Variants in NEGR1 observed in about 807,000 individuals in gnomAD.
The protein encoded by NEGR1 is IgLON family member 4.
Under a neutral mutation model 40.9 loss-of-function variants are expected in NEGR1, and 10 were observed. That is an observed-to-expected ratio of 0.24 (90% CI 0.15 to 0.42). The LOEUF is 0.42. NEGR1 is among the 10% of genes least tolerant of loss of function. NEGR1 has a pLI of 1.00. For synonymous variants in NEGR1, 185 were observed against 166.8 expected (o/e 1.11, Z -0.84); for missense variants, 352 against 438.9 (o/e 0.80, Z 1.77).
intron 1 of NEGR1, among the ~76,000 whole-genome samples, chr1:72,263,959 T>C (rs1213189367): frequency 6.6e-6 from 1 of 151,388 alleles, no homozygotes; most frequent in Non-Finnish European, 1.5e-5. Flanking sequence ...ATATATTCAC[T>C]GGAAAGAGTA....
chr1:71,636,229 G>T (rs479560), intron 4 of NEGR1, among the ~76,000 whole-genome samples: 70,167 of 151,810 alleles, frequency 0.46, 16,352 homozygotes, highest in East Asian at 0.66. Flanking sequence ...AAGTAAATAA[G>T]AGAAGGAACT....
rs571106960 is a variant in NEGR1, at chr1:71,738,475, T to G, written c.535+37697A>C. 3 of 155,410 alleles carry G rather than the reference T, an allele frequency of 1.9e-5. No homozygotes were observed. The Admixed American group carries it at 2.0e-4, about 10-fold the overall frequency. 9.6% of individuals were successfully genotyped at this position (155,410 alleles called of 1,614,324 possible). A position where few individuals can be genotyped will look rare whatever the true frequency, so the allele number is the denominator to read the frequency against. The stretch of plus-strand genomic sequence containing the variant: ...GAGCTGAGACAGGCTCTGGTAAATG[T>G]CAATATGAGGGCATCTGGGGCCAGA... On this transcript the variant is annotated intron_variant, in intron 3 of 6. Transcript: ENST00000357731.
intron 1 of NEGR1, among the ~76,000 whole-genome samples, chr1:71,993,386 T>A (rs1646472914): frequency 6.6e-6 from 1 of 152,118 alleles, no homozygotes; most frequent in Non-Finnish European, 1.5e-5. Context: ...CGACTGGCAG[T>A]GTAGGTAAGC....
At chr1:71,594,432 T>C (rs964117290) in intron 5 of NEGR1, among the ~76,000 whole-genome samples, 2 of 152,180 alleles carry the variant, frequency 1.3e-5, no homozygotes, top group African/African-American at 4.8e-5. Flanking sequence ...AAATATACTG[T>C]AGTTAAATGC....
At chr1:72,055,010 G>A (rs924520612) in intron 1 of NEGR1, among the ~76,000 whole-genome samples, 4 of 150,994 alleles carry the variant, frequency 2.6e-5, no homozygotes, top group Non-Finnish European at 4.5e-5. Flanking sequence ...CTTATAGCAC[G>A]TCTCATCTTC....
chr1:71,835,870 A>T (rs1407375857), intron 2 of NEGR1, among the ~76,000 whole-genome samples: 2 of 152,148 alleles, frequency 1.3e-5, no homozygotes, highest in Non-Finnish European at 2.9e-5. Context: ...TACTAAAAAG[A>T]TTAAATGAGA....
intron 1 of NEGR1, among the ~76,000 whole-genome samples, chr1:72,195,552 T>C (rs1366855782): frequency 6.6e-6 from 1 of 151,952 alleles, no homozygotes; most frequent in Non-Finnish European, 1.5e-5. Flanking sequence ...TTCTTAGACA[T>C]AAACATGATG....
chr1:71,528,467 C>T (rs1223865505), intron 6 of NEGR1, among the ~76,000 whole-genome samples: 1 of 151,230 alleles, frequency 6.6e-6, no homozygotes, highest in Admixed American at 6.6e-5. Flanking sequence ...AAATGACAAA[C>T]TATATCCTTC....
chr1:71,409,060 G>A (rs1646299321), intron 6 of NEGR1: 1 of 151,904 alleles, frequency 6.6e-6, no homozygotes, highest in African/African-American at 2.4e-5. Flanking sequence ...TAAACAAAGA[G>A]CAAAATTAAC....
At chr1:71,557,998 C>A (rs1360991609) in intron 6 of NEGR1, among the ~76,000 whole-genome samples, 2 of 151,580 alleles carry the variant, frequency 1.3e-5, no homozygotes, top group African/African-American at 4.8e-5. Context: ...CTGATATTTT[C>A]TCATGATTAG....
rs1048252702 is a variant in NEGR1, at chr1:71,403,749, C to G, written c.*3697G>C. ...TCAAATACATATTTTAATTGATAAA[C>G]TGAGTTTATATTCACCTATTGGAAA... On this transcript the variant is annotated 3_prime_UTR_variant, in exon 7 of 7. Coordinates refer to ENST00000357731, the MANE Select transcript of NEGR1 (RefSeq NM_173808.3). The G allele has an allele frequency of 2.8e-5, 10 of 358,748 alleles. No homozygotes were observed. The Admixed American group carries it at 4.2e-4, about 15-fold the overall frequency. 22.2% of individuals were successfully genotyped at this position (358,748 alleles called of 1,614,324 possible).
At chr1:71,873,323 G>A (rs1660333857) in intron 2 of NEGR1, among the ~76,000 whole-genome samples, 1 of 151,742 alleles carries the variant, frequency 6.6e-6, no homozygotes, top group African/African-American at 2.4e-5. Context: ...GGCTTGTTTT[G>A]CAGTGTGAAG....
rs1022892603 is a variant in NEGR1 at position 71,877,062 on chromosome 1, T to G, written c.409+58017A>C. ...CTTGAGCAACAAAGACTGTACAGAT[T>G]AGGAGGTAAAATGTGAGGGTTGCGA... On this transcript the variant is annotated intron_variant, in intron 2 of 6. Transcript: ENST00000357731. 4.6e-5 allele frequency among the ~76,000 whole-genome samples: 7 copies of G among 150,968 alleles called. No homozygotes were observed. The South Asian group carries it at 1.0e-3, about 23-fold the overall frequency.
intron 4 of NEGR1, among the ~76,000 whole-genome samples, chr1:71,656,557 C>T (rs966869592): frequency 2.2e-4 from 33 of 152,100 alleles, no homozygotes; most frequent in African/African-American, 8.0e-4. Flanking sequence ...GGATTACAGG[C>T]GCCCGCCACC....
chr1:72,242,703 T>C (rs1654785603), intron 1 of NEGR1, among the ~76,000 whole-genome samples: 1 of 151,714 alleles, frequency 6.6e-6, no homozygotes, highest in Non-Finnish European at 1.5e-5. Context: ...ACATGTGTTC[T>C]TTAATTTAAT....
intron 1 of NEGR1, among the ~76,000 whole-genome samples, chr1:72,154,867 T>G (rs1651301691): frequency 6.6e-6 from 1 of 151,916 alleles, no homozygotes; most frequent in South Asian, 2.1e-4. Flanking sequence ...TTGAACAGGG[T>G]AGATAAAAGA....
chr1:71,935,014 A>T (rs1363992243), intron 2 of NEGR1, 65 bp downstream of exon 2: 4 of 904,376 alleles, frequency 4.4e-6, no homozygotes, highest in Non-Finnish European at 7.1e-6. Flanking sequence ...AGTCATTTTG[A>T]TACCTAAATA....
chr1:72,273,040 G>A (rs1326816675), intron 1 of NEGR1, among the ~76,000 whole-genome samples: 1 of 151,942 alleles, frequency 6.6e-6, no homozygotes, highest in Non-Finnish European at 1.5e-5. Flanking sequence ...TCAGAATTCA[G>A]AACCTGATAT....
chr1:72,245,748 A>T (rs1436389947), intron 1 of NEGR1, among the ~76,000 whole-genome samples: 2 of 152,184 alleles, frequency 1.3e-5, no homozygotes, highest in African/African-American at 4.8e-5. Context: ...CAGTAATGAA[A>T]TATAATAATG....
Sources: allele counts gnomAD v4.1 joint callset (sites outside exome capture counted in the v4.1 genomes callset), GRCh38; gene constraint gnomAD v4.1.1; transcripts MANE v1.5; gene names NCBI Gene and HGNC (gene_info 2026-07-23, HGNC 2026-07-21).